Variants in DMD observed in about 807,000 individuals in gnomAD.
DMD encodes mutant dystrophin.
Under a neutral mutation model 330.1 loss-of-function variants are expected in DMD, and 63 were observed. That is an observed-to-expected ratio of 0.19 (90% CI 0.16 to 0.24). The LOEUF is 0.24. DMD is among the 10% of genes least tolerant of loss of function. The probability of loss-of-function intolerance (pLI) is 1.00; values close to 1 mark genes in which losing one functional copy is unlikely to be tolerated. For synonymous variants in DMD, 1,223 were observed against 959.8 expected, an observed-to-expected ratio of 1.27 and a Z score of -5.07; for missense variants, 3,344 against 2,684.1, an observed-to-expected ratio of 1.25 and a Z score of -5.43.
chrX:32,577,354 T>G (rs1004024795), intron 13 of DMD, among the ~76,000 whole-genome samples: 1 of 112,266 alleles, frequency 8.9e-6, no homozygotes, highest in Non-Finnish European at 1.9e-5. Context: ...CACCAGTCCA[T>G]GTTATTTTTT....
chrX:33,036,442 G>A (rs6631723), intron 1 of DMD, among the ~76,000 whole-genome samples: 40,175 of 109,343 alleles, frequency 0.37, 6,030 homozygotes, highest in East Asian at 0.77. Context: ...AAAAATTACC[G>A]TTCTGCTTTT....
chrX:31,576,329 T>C (rs780085070), intron 55 of DMD, among the ~76,000 whole-genome samples: 5 of 112,112 alleles, frequency 4.5e-5, no homozygotes, highest in Non-Finnish European at 7.5e-5. Context: ...ATTTTCTAAA[T>C]AATGTTCAGT....
chrX:32,441,350 T>C (rs1403673858), intron 27 of DMD, 36 bp from the exon 28 acceptor site: 13 of 1,176,331 alleles, frequency 1.1e-5, no homozygotes, highest in Admixed American at 6.7e-5. Flanking sequence ...TTAAATATTA[T>C]GGTAGAAAAG....
intron 45 of DMD, among the ~76,000 whole-genome samples, chrX:31,964,066 C>CA (rs2095330515): frequency 9.0e-6 from 1 of 111,663 alleles, no homozygotes; most frequent in South Asian, 3.7e-4. Flanking sequence ...TGACGTAATA[C>CA]AAAATACACA....
chrX:32,557,232 C>T (rs1241887501), intron 16 of DMD, among the ~76,000 whole-genome samples: 2 of 111,732 alleles, frequency 1.8e-5, no homozygotes, highest in South Asian at 3.7e-4. Flanking sequence ...CAACTCTTAT[C>T]AGCTATGCTC....
chrX:32,454,541 T>A, intron 26 of DMD, 121 bp downstream of exon 26: 1 of 542,271 alleles, frequency 1.8e-6, no homozygotes, highest in Non-Finnish European at 2.9e-6. Flanking sequence ...TAATTAAAAA[T>A]CAACCTCTTC....
intron 55 of DMD, among the ~76,000 whole-genome samples, chrX:31,627,259 T>G (rs948558300): frequency 8.9e-6 from 1 of 112,893 alleles, no homozygotes; most frequent in East Asian, 2.8e-4. Flanking sequence ...TTGAAAGTAA[T>G]GAAGGGAAAC....
At chrX:33,098,033 T>C (rs1474558623) in intron 1 of DMD, among the ~76,000 whole-genome samples, 1 of 111,830 alleles carries the variant, frequency 8.9e-6, no homozygotes, top group African/African-American at 3.2e-5. Flanking sequence ...CTGAGCAATA[T>C]AACTTTTTAT....
chrX:31,593,605 T>G (rs1012509268), intron 55 of DMD, among the ~76,000 whole-genome samples: 9 of 111,082 alleles, frequency 8.1e-5, no homozygotes, highest in Non-Finnish European at 1.7e-4. Flanking sequence ...CCAAAAACTA[T>G]GAAGAATTCC....
At chrX:32,824,545 G>C (rs2078534910) in intron 4 of DMD, among the ~76,000 whole-genome samples, 1 of 111,880 alleles carries the variant, frequency 8.9e-6, no homozygotes, top group African/African-American at 3.2e-5. Context: ...GTCTTGAAAA[G>C]ACAAAGTTAC....
At chrX:32,068,669 T>A (rs959093894) in intron 44 of DMD, among the ~76,000 whole-genome samples, 12 of 111,018 alleles carry the variant, frequency 1.1e-4, no homozygotes, top group African/African-American at 3.6e-4. Flanking sequence ...CCTAAAAAAA[T>A]ATAACTTTTA....
intron 2 of DMD, among the ~76,000 whole-genome samples, chrX:32,998,310 A>G (rs993044848): frequency 1.0e-5 from 1 of 98,339 alleles, no homozygotes; most frequent in South Asian, 5.7e-4. Context: ...TTGAAGCTAT[A>G]GTGAGACAAG....
chrX:32,379,354 G>A (rs1422708661), intron 34 of DMD, among the ~76,000 whole-genome samples: 1 of 110,231 alleles, frequency 9.1e-6, no homozygotes, highest in Non-Finnish European at 1.9e-5. Context: ...CTCTGCAAAG[G>A]TCATTACCTT....
intron 1 of DMD, among the ~76,000 whole-genome samples, chrX:33,246,381 T>A (rs2052663067): frequency 9.0e-6 from 1 of 111,308 alleles, no homozygotes; most frequent in Non-Finnish European, 1.9e-5. Context: ...ACAGTTCCAG[T>A]GATATCGTTG....
chrX:32,239,822 C>A (rs1306045679), intron 43 of DMD, among the ~76,000 whole-genome samples: 2 of 111,610 alleles, frequency 1.8e-5, no homozygotes, highest in African/African-American at 6.5e-5. Flanking sequence ...ATTTAAATAA[C>A]CCTTATCTTT....
At chrX:32,103,838 A>G (rs2096551661) in intron 44 of DMD, among the ~76,000 whole-genome samples, 1 of 111,967 alleles carries the variant, frequency 8.9e-6, no homozygotes, top group South Asian at 3.7e-4. Context: ...ACAGTGCACA[A>G]TCTTATATAA....
In DMD at chrX:31,256,741, C is replaced by CGTGT. The variant is rs35842618; in HGVS notation, c.9286+4210_9286+4213dup. Among the ~76,000 whole-genome samples the CGTGT allele has an allele frequency of 7.6e-3, 746 of 97,947 alleles. 9 individuals are homozygous for CGTGT. Among genetic ancestry groups the CGTGT allele is most frequent in the African/African-American group, 0.025 (675 of 26,905 alleles). 85.1% of individuals were successfully genotyped at this position (97,947 alleles called of 115,157 possible). ...ATAAATTATCTACATATATGTGGGG[C>CGTGT]GTGTGTGTGTGTGTGTGTGTGTGTG... On this transcript the variant is annotated intron_variant, in intron 63 of 78. Coordinates refer to ENST00000357033, the MANE Select transcript of DMD (RefSeq NM_004006.3).
Position 31,658,108 on chromosome X carries a change from C to T in DMD, c.7909G>A (p.Val2637Ile), listed in dbSNP as rs781227857. The change falls in exon 54 of 79, where the codon GTA becomes ATA. Residue 2637 changes from valine (V) to isoleucine (I), a missense_variant. Val to Ile is a conservative substitution (Grantham distance 29). Coordinates refer to ENST00000357033, the MANE Select transcript of DMD (RefSeq NM_004006.3). ...AGGGCCAAGTCATTTGCCACATCTACATTTGTCTGCCACTGGCGGAGGTCT... is the reference window on the plus strand; with the variant it reads ...AGGGCCAAGTCATTTGCCACATCTATATTTGTCTGCCACTGGCGGAGGTCT... ...AKDLRQWQTNVDVANDLALKL... is the reference protein window; with the variant it reads ...AKDLRQWQTNIDVANDLALKL... The T allele has an allele frequency of 1.7e-6, 2 of 1,210,319 alleles. No individual in the cohort carries two copies. Among genetic ancestry groups the T allele is most frequent in the African/African-American group, 3.5e-5 (2 of 57,275 alleles).
chrX:33,010,312 A>T (rs2093674181), intron 2 of DMD, among the ~76,000 whole-genome samples: 1 of 107,548 alleles, frequency 9.3e-6, no homozygotes, highest in African/African-American at 3.4e-5. Flanking sequence ...ATATGTACAT[A>T]TATGTGTATA....
Sources: gnomAD v4.1 joint callset for allele counts (sites outside exome capture counted in the v4.1 genomes callset) on GRCh38, gnomAD v4.1.1 for gene constraint, MANE v1.5 for transcripts, NCBI Gene and HGNC (gene_info 2026-07-23, HGNC 2026-07-21) for gene names.